The following CABIN1 variants were observed in gnomAD, a reference collection of about 807,000 sequenced individuals.
The protein encoded by CABIN1 is calcineurin binding protein 1.
In CABIN1, 133 loss-of-function variants were observed where a neutral mutation model predicts 227.7. The ratio of observed to expected loss-of-function variants is 0.58; its 90% CI spans 0.51 to 0.67. The LOEUF (loss-of-function observed/expected upper bound fraction) is 0.67. CABIN1 is among the 30% of genes least tolerant of loss of function. CABIN1 has a pLI of 0.00. For missense variants in CABIN1, 2,408 were observed against 2,852.5 expected (o/e 0.84, Z 3.55); for synonymous variants, 1,086 against 1,155.1 (o/e 0.94, Z 1.21).
chr22:24,097,839 T>G (rs1047384048), intron 25 of CABIN1, among the ~76,000 whole-genome samples, 175 bp from the exon 26 acceptor site: 1 of 152,148 alleles, frequency 6.6e-6, no homozygotes, highest in Non-Finnish European at 1.5e-5. Context: ...CCAGAGCCTG[T>G]GTGGGTGCTG....
In CABIN1 at chr22:24,042,993, T is replaced by G; in HGVS notation, c.435T>G (p.His145Gln). ...LRLIRIPLAR[H>Q]AFEEGLRCNP... The stretch of plus-strand genomic sequence containing the variant: ...TCATCCGGATCCCCCTGGCTCGCCA[T>G]GCTTTTGAGGAAGGGCTGCGGTGCA... The change falls in exon 6 of 37, where the codon CAT (histidine) becomes CAG (glutamine). Residue 145 changes from histidine to glutamine, a missense_variant. His to Gln is a conservative substitution (Grantham distance 24, BLOSUM62 0). Around this residue, in one of 3 missense-constraint regions of CABIN1, gnomAD observed 1,045 missense variants for 1,168.4 expected, o/e 0.89. Transcript: ENST00000263119. 1 of 1,613,992 alleles carries G rather than the reference T, an allele frequency of 6.2e-7. No homozygotes were observed. Among genetic ancestry groups the G allele is most frequent in the Non-Finnish European group, 8.5e-7 (1 of 1,179,996 alleles).
At chr22:24,175,582 C>T (rs550552452) in intron 34 of CABIN1, among the ~76,000 whole-genome samples, 149 of 152,372 alleles carry the variant, frequency 9.8e-4, no homozygotes, top group African/African-American at 3.5e-3. Context: ...GCATTTGCCC[C>T]TCAGGCCCAT....
intron 33 of CABIN1, among the ~76,000 whole-genome samples, chr22:24,171,326 C>CT (rs1240511988): frequency 6.6e-6 from 1 of 152,230 alleles, no homozygotes; most frequent in African/African-American, 2.4e-5. Flanking sequence ...GACTGACCAC[C>CT]TGTTCCTGCA....
In CABIN1 at chr22:24,091,784, C is replaced by G; in HGVS notation, c.3727C>G (p.Arg1243Gly). Residue 1243 changes from arginine (R) to glycine (G), a missense_variant, in exon 24 of 37, where the codon CGC becomes GGC. Physicochemically the swap from Arg to Gly is moderately radical, Grantham distance 125. Coordinates refer to ENST00000263119, the MANE Select transcript of CABIN1 (RefSeq NM_012295.4). ...AGHYLHEEAA[R>G]YPKKIHYHNP... is the part of the protein sequence containing the mutation. Reference sequence around the variant, plus strand: ...CCACTACCTGCACGAGGAGGCTGCCCGCTACCCCAAGAAGATCCACTACCA... The same window carrying G: ...CCACTACCTGCACGAGGAGGCTGCCGGCTACCCCAAGAAGATCCACTACCA... 1 of 1,613,906 alleles carries G rather than the reference C, an allele frequency of 6.2e-7. No homozygotes were observed. The highest frequency in any genetic ancestry group is 1.6e-4 in the Middle Eastern group (1 of 6,062).
intron 29 of CABIN1, among the ~76,000 whole-genome samples, chr22:24,163,670 C>T (rs922583567): frequency 1.3e-5 from 2 of 152,208 alleles, no homozygotes; most frequent in African/African-American, 4.8e-5. Context: ...CCTGCTTTCC[C>T]CACACCCTGC....
chr22:24,152,858 G>C (rs1052426604), intron 29 of CABIN1, among the ~76,000 whole-genome samples: 5 of 151,882 alleles, frequency 3.3e-5, no homozygotes, highest in Admixed American at 6.6e-5. Context: ...GCTGAGGCAG[G>C]AGAATTGCTT....
rs2147409355 is a variant in CABIN1, at chr22:24,054,914, A to G, written c.848A>G (p.His283Arg). Residue 283 changes from histidine (H) to arginine (R), a missense_variant, in exon 9 of 37, where the codon CAT becomes CGT. Transcript: ENST00000263119. ...LGESLLAMYN[H>R]LTTCEPPRPS... ...GAGAGCTTGCTGGCCATGTACAATCATCTCACCACCTGTGAGCCCCCACGT... is the reference window on the plus strand; with the variant it reads ...GAGAGCTTGCTGGCCATGTACAATCGTCTCACCACCTGTGAGCCCCCACGT... 6.2e-7 allele frequency: 1 copy of G among 1,614,170 alleles called. No homozygotes were observed. The highest frequency in any genetic ancestry group is 8.5e-7 in the Non-Finnish European group (1 of 1,180,014).
chr22:24,143,024 C>T (rs1602321674), intron 29 of CABIN1, among the ~76,000 whole-genome samples: 3 of 152,202 alleles, frequency 2.0e-5, no homozygotes, highest in South Asian at 4.2e-4. Context: ...CTGTGTGGTC[C>T]AAAAGGGCTC....
At chr22:24,013,756 C>A (rs896956642) in intron 1 of CABIN1, among the ~76,000 whole-genome samples, 1 of 152,114 alleles carries the variant, frequency 6.6e-6, no homozygotes, top group Non-Finnish European at 1.5e-5. Flanking sequence ...TTAGTTATTT[C>A]TCCTTGGTCC....
chr22:24,107,477 C>T (rs1313340284), intron 26 of CABIN1, among the ~76,000 whole-genome samples: 1 of 152,182 alleles, frequency 6.6e-6, no homozygotes, highest in Non-Finnish European at 1.5e-5. Context: ...CTTGTGCTTG[C>T]CCTGTTCCAC....
chr22:24,125,718 T>C (rs1223615505), intron 28 of CABIN1, among the ~76,000 whole-genome samples: 1 of 152,246 alleles, frequency 6.6e-6, no homozygotes, highest in Non-Finnish European at 1.5e-5. Context: ...AAAATGGTGG[T>C]GTGCCCTGCA....
intron 26 of CABIN1, among the ~76,000 whole-genome samples, chr22:24,102,856 C>T (rs2042288179): frequency 6.6e-6 from 1 of 152,090 alleles, no homozygotes; most frequent in Admixed American, 6.5e-5. Context: ...GGGTGTGGGC[C>T]TCACTGGAGA....
chr22:24,159,081 G>A (rs988139606), intron 29 of CABIN1, among the ~76,000 whole-genome samples: 1 of 152,178 alleles, frequency 6.6e-6, no homozygotes, highest in Non-Finnish European at 1.5e-5. Flanking sequence ...TCCCCCCAGG[G>A]GCTTCAGGAG....
chr22:24,025,235 A>C (rs935845513), intron 1 of CABIN1, among the ~76,000 whole-genome samples: 1 of 152,142 alleles, frequency 6.6e-6, no homozygotes, highest in African/African-American at 2.4e-5. Flanking sequence ...TTTTTGCAAA[A>C]TGTATTCCTT....
At chr22:24,057,211 T>C (rs2038869920) in intron 10 of CABIN1, among the ~76,000 whole-genome samples, 2 of 152,048 alleles carry the variant, frequency 1.3e-5, no homozygotes, top group African/African-American at 4.8e-5. Flanking sequence ...GCTGGGATTA[T>C]AGGCATGAGC....
At chr22:24,023,018 T>C (rs2035833158) in intron 1 of CABIN1, among the ~76,000 whole-genome samples, 1 of 152,234 alleles carries the variant, frequency 6.6e-6, no homozygotes, top group Admixed American at 6.5e-5. Context: ...TGTGCCACTA[T>C]CTATTTCCAA....
chr22:24,162,008 AGGTCATCCT>A (rs1253976871), intron 29 of CABIN1: 2 of 152,308 alleles, frequency 1.3e-5, no homozygotes, highest in African/African-American at 4.8e-5. Flanking sequence ...CGCTGTGTCC[AGGTCATCCT>A]GGGGCTGCCA....
chr22:24,120,924 T>C (rs2043373977), intron 28 of CABIN1, among the ~76,000 whole-genome samples: 1 of 152,160 alleles, frequency 6.6e-6, no homozygotes, highest in Non-Finnish European at 1.5e-5. Context: ...AGGGTGCTGT[T>C]GTGCCTCTGC....
At position 24,056,318 on chromosome 22, in the gene CABIN1, A is replaced by C. The variant is rs1423075820; in HGVS notation, c.1220A>C (p.Lys407Thr). 1 of 1,613,822 alleles carries C rather than the reference A, an allele frequency of 6.2e-7. No individual in the cohort carries two copies. Among genetic ancestry groups the C allele is most frequent in the Non-Finnish European group, 8.5e-7 (1 of 1,179,876 alleles). Residue 407 changes from lysine to threonine, a missense_variant, in exon 10 of 37, where the codon AAA becomes ACA. Lys to Thr is a moderately conservative substitution (Grantham distance 78, BLOSUM62 -1). Transcript: ENST00000263119. ...VRNTKCKKEE[K>T]VDFQELLMKF... The stretch of plus-strand genomic sequence containing the variant: ...AACACCAAGTGCAAAAAAGAAGAGA[A>C]AGTAGACTTCCAGGAGCTTCTGATG...
Sources: gnomAD v4.1 joint callset for allele counts (sites outside exome capture counted in the v4.1 genomes callset) on GRCh38, gnomAD v4.1.1 for gene constraint, gnomAD v4.1.1 regional missense constraint, MANE v1.5 for transcripts, NCBI Gene and HGNC (gene_info 2026-07-23, HGNC 2026-07-21) for gene names.